The following IDO2 variants were observed in gnomAD, a reference collection of about 807,000 sequenced individuals.
The protein encoded by IDO2 is indoleamine 2,3-dioxygenase-like 1 protein.
IDO2 carries 46 observed loss-of-function variants against 45.1 expected under a neutral mutation model. The ratio of observed to expected loss-of-function variants is 1.02; its 90% CI spans 0.80 to 1.30. The LOEUF (loss-of-function observed/expected upper bound fraction) is 1.30. IDO2 is among the 50% of genes most tolerant of loss of function. The pLI is 0.00. For synonymous variants in IDO2, 218 were observed against 184.9 expected (o/e 1.18, Z -1.45); for missense variants, 544 against 491.8 (o/e 1.11, Z -1.00).
intron 2 of IDO2, among the ~76,000 whole-genome samples, chr8:39,962,461 T>C (rs1169876868): frequency 1.3e-5 from 2 of 152,330 alleles, no homozygotes; most frequent in East Asian, 1.9e-4. Context: ...ATTCATATAT[T>C]CTACACACAG....
chr8:39,970,088 G>A (rs947532527), intron 3 of IDO2, among the ~76,000 whole-genome samples: 3 of 152,204 alleles, frequency 2.0e-5, no homozygotes, highest in African/African-American at 7.2e-5. Context: ...TATAGAGGAA[G>A]TTTGAGTATT....
In IDO2 at chr8:39,995,928, G is replaced by C. The variant is rs534919082; in HGVS notation, c.667+6090G>C. Among the ~76,000 whole-genome samples the C allele has an allele frequency of 2.6e-4, 40 of 152,158 alleles. 1 individual carries two copies. The highest frequency in any genetic ancestry group is 4.9e-4 in the Non-Finnish European group (33 of 68,004). On this transcript the variant is annotated intron_variant, in intron 8 of 10. Coordinates refer to ENST00000502986, the Ensembl canonical transcript of IDO2. ...GTCACCTAACGGACCGTGGTCTAGC[G>C]GTAGCGTCAGTGCCTAGAAAAGGCA... is the stretch of plus-strand genomic sequence containing the variant.
exon 11 of IDO2, chr8:40,016,135 C>A (rs1408013028): frequency 7.6e-6 from 3 of 394,456 alleles, no homozygotes; most frequent in Non-Finnish European, 1.3e-5. Context: ...AGGATGCTGA[C>A]AATAAGGACT....
intron 8 of IDO2, chr8:39,995,155 T>TCTC (rs150056268): frequency 0.23 from 19,620 of 87,034 alleles, 2,932 homozygotes; most frequent in Middle Eastern, 0.35. Flanking sequence ...TTCTTCTTCT[T>TCTC]CTCCTCCTCC....
chr8:39,961,222 T>C (rs1325097804), intron 2 of IDO2, among the ~76,000 whole-genome samples: 1 of 152,176 alleles, frequency 6.6e-6, no homozygotes, highest in Non-Finnish European at 1.5e-5. Flanking sequence ...GGCTTCTCCT[T>C]TCATTTTTCA....
At chr8:39,969,344 A>G (rs1808146090) in intron 3 of IDO2, among the ~76,000 whole-genome samples, 1 of 152,084 alleles carries the variant, frequency 6.6e-6, no homozygotes, top group South Asian at 2.1e-4. Flanking sequence ...CTTTAATGTT[A>G]CTATCATAAT....
intron 7 of IDO2, among the ~76,000 whole-genome samples, chr8:39,988,742 T>C (rs776132445): frequency 5.3e-5 from 8 of 152,168 alleles, no homozygotes; most frequent in Non-Finnish European, 1.0e-4. Context: ...GATAAGCATA[T>C]GTTGAGCACC....
chr8:39,951,178 A>T (rs1807809158), intron 2 of IDO2, among the ~76,000 whole-genome samples: 1 of 152,086 alleles, frequency 6.6e-6, no homozygotes, highest in South Asian at 2.1e-4. Flanking sequence ...TGAATTCCAC[A>T]CTATTCTTTA....
At chr8:39,936,430 C>A (rs952073361) in intron 1 of IDO2, among the ~76,000 whole-genome samples, 1 of 152,084 alleles carries the variant, frequency 6.6e-6, no homozygotes, top group African/African-American at 2.4e-5. Flanking sequence ...AACCCACCCC[C>A]AAAAGTCAAG....
chr8:40,010,856 G>T (rs1333777861), intron 9 of IDO2, among the ~76,000 whole-genome samples: 4 of 152,098 alleles, frequency 2.6e-5, no homozygotes, highest in Non-Finnish European at 5.9e-5. Flanking sequence ...ATAGGGGAGT[G>T]GTCTAGCTAT....
chr8:39,941,627 A>T (rs974102922), intron 1 of IDO2, among the ~76,000 whole-genome samples: 1 of 152,358 alleles, frequency 6.6e-6, no homozygotes, highest in East Asian at 1.9e-4. Flanking sequence ...TTGGGAACCG[A>T]GTATAACTAA....
chr8:40,008,393 C>G (rs1802254497), intron 9 of IDO2, among the ~76,000 whole-genome samples: 1 of 152,152 alleles, frequency 6.6e-6, no homozygotes, highest in Non-Finnish European at 1.5e-5. Flanking sequence ...CTTCTCACCT[C>G]TCCTTCTGCC....
intron 8 of IDO2, among the ~76,000 whole-genome samples, chr8:39,999,680 T>C (rs1802106061): frequency 6.6e-6 from 1 of 152,202 alleles, no homozygotes; most frequent in African/African-American, 2.4e-5. Context: ...GCCAGGCTGG[T>C]CTCAAACTCT....
At chr8:39,965,360 G>GC (rs1167063742) in intron 3 of IDO2, among the ~76,000 whole-genome samples, 6 of 152,108 alleles carry the variant, frequency 3.9e-5, no homozygotes, top group African/African-American at 9.7e-5. Context: ...GGTGGCACAT[G>GC]CCTGTAGTCC....
exon 11 of IDO2, chr8:40,016,311 C>T (rs1183666235): frequency 2.5e-6 from 1 of 397,402 alleles, no homozygotes; most frequent in Non-Finnish European, 4.4e-6. Context: ...TGAATGGATC[C>T]TATATAAGTA....
At chr8:39,968,782 A>T (rs1393812867) in intron 3 of IDO2, among the ~76,000 whole-genome samples, 1 of 151,796 alleles carries the variant, frequency 6.6e-6, no homozygotes, top group Non-Finnish European at 1.5e-5. Context: ...AACCTAGATG[A>T]TGGGTTGACA....
intron 1 of IDO2, among the ~76,000 whole-genome samples, chr8:39,948,610 G>T (rs780813620): frequency 3.9e-5 from 6 of 152,216 alleles, no homozygotes; most frequent in Non-Finnish European, 5.9e-5. Flanking sequence ...TTATCTTGAC[G>T]TGCTAATGGT....
At chr8:39,965,930 G>C (rs1034296228) in intron 3 of IDO2, among the ~76,000 whole-genome samples, 1 of 151,828 alleles carries the variant, frequency 6.6e-6, no homozygotes, top group Non-Finnish European at 1.5e-5. Flanking sequence ...CATAACTGTG[G>C]CAGAGTACAT....
intron 3 of IDO2, among the ~76,000 whole-genome samples, chr8:39,972,140 C>T (rs552897162): frequency 3.3e-5 from 5 of 152,230 alleles, no homozygotes; most frequent in Admixed American, 3.3e-4. Flanking sequence ...TAAGTTGCTT[C>T]TTATGGAGCA....
Sources: gnomAD v4.1 joint callset for allele counts (sites outside exome capture counted in the v4.1 genomes callset) on GRCh38, gnomAD v4.1.1 for gene constraint, MANE v1.5 for transcripts, NCBI Gene and HGNC (gene_info 2026-07-23, HGNC 2026-07-21) for gene names.